CEP128: variants seen among roughly 807,000 people sequenced by gnomAD.
CEP128 encodes centrosomal protein 128.
Under a neutral mutation model 156.7 loss-of-function variants are expected in CEP128, and 132 were observed. That is an observed-to-expected ratio of 0.84 (90% CI 0.73 to 0.97). The LOEUF is 0.97. Among genes scored for constraint, CEP128 ranks in the 50% least tolerant of loss-of-function variants. The probability of loss-of-function intolerance (pLI) is 0.00; values close to 1 mark genes in which losing one functional copy is unlikely to be tolerated. For synonymous variants in CEP128, 469 were observed against 448.9 expected (o/e 1.04, Z -0.57); for missense variants, 1,252 against 1,281.9 (o/e 0.98, Z 0.36).
chr14:80,501,095 A>G (rs186102148), intron 24 of CEP128, among the ~76,000 whole-genome samples: 234 of 152,060 alleles, frequency 1.5e-3, no homozygotes, highest in African/African-American at 5.3e-3. Flanking sequence ...GTTTCCTGCA[A>G]ATTTTCTGGA....
chr14:80,524,711 A>G (rs1174327238), intron 23 of CEP128, among the ~76,000 whole-genome samples: 5 of 152,224 alleles, frequency 3.3e-5, no homozygotes, highest in Admixed American at 3.3e-4. Flanking sequence ...ATATTATTTC[A>G]GAACAGGAAT....
chr14:80,692,917 C>G (rs1337485427), intron 19 of CEP128, among the ~76,000 whole-genome samples: 4 of 152,180 alleles, frequency 2.6e-5, no homozygotes, highest in Non-Finnish European at 5.9e-5. Context: ...AACATTATAT[C>G]CCCCGGTCTA....
At chr14:80,642,778 C>T (rs1308808427) in intron 19 of CEP128, among the ~76,000 whole-genome samples, 1 of 148,000 alleles carries the variant, frequency 6.8e-6, no homozygotes, top group Non-Finnish European at 1.5e-5. Flanking sequence ...TTTTTTGAGA[C>T]AGAGTCTTGC....
At chr14:80,695,208 G>GAA (rs1009132869) in intron 19 of CEP128, among the ~76,000 whole-genome samples, 1 of 143,118 alleles carries the variant, frequency 7.0e-6, no homozygotes, top group Non-Finnish European at 1.5e-5. Context: ...GAAAAGAAAA[G>GAA]AAAAAAAAAA....
chr14:80,584,321 T>C (rs1190188258), intron 19 of CEP128, among the ~76,000 whole-genome samples: 1 of 151,842 alleles, frequency 6.6e-6, no homozygotes, highest in Non-Finnish European at 1.5e-5. Context: ...ACTTTTTACA[T>C]TTTCAGTAGA....
chr14:80,908,081 A>G (rs1396526264), intron 4 of CEP128, among the ~76,000 whole-genome samples: 2 of 152,164 alleles, frequency 1.3e-5, no homozygotes, highest in East Asian at 3.8e-4. Context: ...TTTGAAGGTA[A>G]TCTGCCTTTT....
intron 19 of CEP128, among the ~76,000 whole-genome samples, chr14:80,630,776 G>A (rs1445728239): frequency 6.6e-6 from 1 of 151,896 alleles, no homozygotes; most frequent in Non-Finnish European, 1.5e-5. Flanking sequence ...ATCCAATCTA[G>A]ATGCAAAAAG....
intron 21 of CEP128, among the ~76,000 whole-genome samples, chr14:80,548,996 A>G (rs1890101260): frequency 6.6e-6 from 1 of 152,162 alleles, no homozygotes; most frequent in Non-Finnish European, 1.5e-5. Context: ...CCACTTTTTT[A>G]GCAGTATTTT....
chr14:80,951,497 G>C (rs1276929209), intron 2 of CEP128, among the ~76,000 whole-genome samples: 3 of 152,010 alleles, frequency 2.0e-5, no homozygotes, highest in Non-Finnish European at 4.4e-5. Flanking sequence ...AAAGCAATGA[G>C]TATAATAACC....
chr14:80,639,104 A>G (rs561072754), intron 19 of CEP128, among the ~76,000 whole-genome samples: 2 of 152,314 alleles, frequency 1.3e-5, no homozygotes, highest in East Asian at 3.9e-4. Flanking sequence ...AACTTAAAAA[A>G]TGGTATTTAA....
intron 7 of CEP128, among the ~76,000 whole-genome samples, chr14:80,897,842 A>C (rs1044745453): frequency 3.4e-4 from 51 of 152,170 alleles, no homozygotes; most frequent in Non-Finnish European, 4.9e-4. Flanking sequence ...GCAGTGGCTC[A>C]TCTCAGCTCA....
intron 13 of CEP128, among the ~76,000 whole-genome samples, chr14:80,821,672 C>T (rs1367485421): frequency 6.7e-6 from 1 of 150,034 alleles, no homozygotes; most frequent in Admixed American, 6.7e-5. Flanking sequence ...TCACAAGGCC[C>T]CATTTAATTT....
intron 2 of CEP128, among the ~76,000 whole-genome samples, chr14:80,938,148 T>G (rs1351934843): frequency 6.6e-6 from 1 of 152,110 alleles, no homozygotes. Flanking sequence ...TCCTCCTGCC[T>G]TGGCCTCCCA....
At chr14:80,747,276 CA>C (rs1183461481) in intron 18 of CEP128, among the ~76,000 whole-genome samples, 1 of 152,142 alleles carries the variant, frequency 6.6e-6, no homozygotes, top group African/African-American at 2.4e-5. Context: ...TGCAAAAACT[CA>C]GATAGAAATT....
intron 19 of CEP128, among the ~76,000 whole-genome samples, chr14:80,661,106 A>G (rs1485690947): frequency 1.3e-5 from 2 of 152,274 alleles, no homozygotes; most frequent in East Asian, 3.9e-4. Flanking sequence ...ATTTGCTTGA[A>G]GCTGGGCGTG....
chr14:80,647,045 A>ATGTGTGTGTG (rs1894675641), intron 19 of CEP128, among the ~76,000 whole-genome samples: 1 of 29,530 alleles, frequency 3.4e-5, no homozygotes, highest in Non-Finnish European at 5.5e-5. Flanking sequence ...ATGTATATAT[A>ATGTGTGTGTG]TATATATATA....
At chr14:80,556,604 T>C (rs183202442) in intron 21 of CEP128, among the ~76,000 whole-genome samples, 38 of 152,266 alleles carry the variant, frequency 2.5e-4, no homozygotes, top group African/African-American at 8.4e-4. Context: ...AAGTTTCTTA[T>C]TATGATGAAA....
intron 19 of CEP128, among the ~76,000 whole-genome samples, chr14:80,656,307 A>ATTTT (rs1555387567): frequency 1.5e-4 from 2 of 13,130 alleles, no homozygotes; most frequent in African/African-American, 6.5e-4. Flanking sequence ...ATATATATAT[A>ATTTT]TATATATATA....
chr14:80,553,559 A>G (rs947307577), intron 21 of CEP128, among the ~76,000 whole-genome samples: 1 of 152,270 alleles, frequency 6.6e-6, no homozygotes, highest in African/African-American at 2.4e-5. Flanking sequence ...GCTTTAATAC[A>G]TTTTGATACA....
Sources: gnomAD v4.1 joint callset for allele counts (sites outside exome capture counted in the v4.1 genomes callset) on GRCh38, gnomAD v4.1.1 for gene constraint, MANE v1.5 for transcripts, NCBI Gene and HGNC (gene_info 2026-07-23, HGNC 2026-07-21) for gene names.